The following NRG2 variants were observed in gnomAD, a reference collection of about 807,000 sequenced individuals.
NRG2 encodes the protein pro-neuregulin-2, membrane-bound isoform.
In NRG2, 27 loss-of-function variants were observed where a neutral mutation model predicts 73.9. The observed-to-expected ratio is 0.37, with a 90% CI of 0.27 to 0.50. The LOEUF (loss-of-function observed/expected upper bound fraction) is 0.50. Among genes scored for constraint, NRG2 ranks in the 20% least tolerant of loss-of-function variants. The pLI is 0.96. For synonymous variants in NRG2, 532 were observed against 541.0 expected (o/e 0.98, Z 0.23); for missense variants, 1,126 against 1,210.1 (o/e 0.93, Z 1.03).
chr5:139,875,307 AG>A (rs1482747001), intron 3 of NRG2, among the ~76,000 whole-genome samples: 1 of 152,212 alleles, frequency 6.6e-6, no homozygotes, highest in East Asian at 1.9e-4. Flanking sequence ...CACCGTGCCC[AG>A]CCAACTGTTT....
At position 139,904,869 on chromosome 5, in the gene NRG2, A is replaced by G. The variant is rs1288243861; in HGVS notation, c.701-17358T>C. Among the ~76,000 whole-genome samples, 1 of 152,052 alleles carries G rather than the reference A, an allele frequency of 6.6e-6. No homozygotes were observed. The highest frequency in any genetic ancestry group is 2.4e-5 in the African/African-American group (1 of 41,402). On this transcript the variant is annotated intron_variant, in intron 1 of 9. Coordinates refer to ENST00000361474, the MANE Select transcript of NRG2 (RefSeq NM_004883.3). The surrounding 1 kb of genome is among the most constrained non-coding windows in gnomAD (Gnocchi z 6.0). Reference sequence around the variant, plus strand: ...TAGCCAGCCCAGCGGGGTAGCGAGCACCCTTGGCTCTTGCGGTGGGTCTCC... The same window carrying G: ...TAGCCAGCCCAGCGGGGTAGCGAGCGCCCTTGGCTCTTGCGGTGGGTCTCC...
chr5:139,904,427 C>T lies in NRG2; in HGVS notation c.701-16916G>A, dbSNP rs770404206. The stretch of plus-strand genomic sequence containing the variant: ...CACGGGGTCCCAGGCGGTGGGACGG[C>T]CTCAGCTCTCCGCTGCCGCGCTGCG... On this transcript the variant is annotated intron_variant, in intron 1 of 9. Coordinates refer to ENST00000361474, the MANE Select transcript of NRG2 (RefSeq NM_004883.3). The surrounding 1 kb of genome is among the most constrained non-coding windows in gnomAD (Gnocchi z 6.0). The T allele has an allele frequency of 5.2e-6, 7 of 1,355,234 alleles. No homozygotes were observed. In the Admixed American group the frequency reaches 1.2e-4, roughly 24 times the overall value. The allele number at this position is 1,355,234 out of a possible 1,614,324, so 84.0% of individuals were successfully genotyped here.
chr5:139,946,227 AT>A (rs1276342594), intron 1 of NRG2, among the ~76,000 whole-genome samples: 1 of 152,166 alleles, frequency 6.6e-6, no homozygotes, highest in African/African-American at 2.4e-5. Flanking sequence ...ATAAGCCACA[AT>A]AAATTAAGAC....
chr5:139,917,344 C>T (rs139901702), intron 1 of NRG2, among the ~76,000 whole-genome samples: 5 of 152,236 alleles, frequency 3.3e-5, no homozygotes, highest in Middle Eastern at 3.4e-3. Flanking sequence ...CTTGACCTCC[C>T]GGGCTCAAAC....
At chr5:139,919,040 A>C (rs953920980) in intron 1 of NRG2, among the ~76,000 whole-genome samples, 1 of 152,212 alleles carries the variant, frequency 6.6e-6, no homozygotes, top group South Asian at 2.1e-4. Flanking sequence ...AAATCTAGCC[A>C]TGCCTGACTG....
intron 1 of NRG2, among the ~76,000 whole-genome samples, chr5:140,010,464 ACTTATCAATTGTAGG>A (rs1445888586): frequency 6.6e-6 from 1 of 152,204 alleles, no homozygotes; most frequent in Non-Finnish European, 1.5e-5. Context: ...AGTAATTGTA[ACTTATCAATTGTAGG>A]CTTATCAATT....
At chr5:139,908,206 C>A (rs1413474500) in intron 1 of NRG2, among the ~76,000 whole-genome samples, 1 of 152,110 alleles carries the variant, frequency 6.6e-6, no homozygotes, top group East Asian at 1.9e-4. Context: ...GGCTTTTGGG[C>A]CTTATTTAGT....
chr5:139,892,721 G>T (rs1387829997), intron 1 of NRG2, among the ~76,000 whole-genome samples: 1 of 152,156 alleles, frequency 6.6e-6, no homozygotes, highest in Non-Finnish European at 1.5e-5. Flanking sequence ...TTCCTGGGAT[G>T]CATGGGATCT....
At chr5:139,940,234 T>A (rs529396161) in intron 1 of NRG2, among the ~76,000 whole-genome samples, 3 of 152,128 alleles carry the variant, frequency 2.0e-5, no homozygotes, top group Non-Finnish European at 2.9e-5. Context: ...TTGTGATATA[T>A]AAAAACAATG....
At chr5:140,020,207 A>T (rs760109334) in intron 1 of NRG2, among the ~76,000 whole-genome samples, 2 of 152,372 alleles carry the variant, frequency 1.3e-5, no homozygotes, top group South Asian at 2.1e-4. Context: ...AAACAATAAG[A>T]ATTGGTACTA....
intron 5 of NRG2, among the ~76,000 whole-genome samples, chr5:139,858,319 CT>C (rs1035132104): frequency 6.0e-4 from 91 of 152,330 alleles, no homozygotes; most frequent in African/African-American, 2.1e-3. Context: ...GGACTCCCCC[CT>C]GGTTGTTTGC....
intron 1 of NRG2, among the ~76,000 whole-genome samples, chr5:139,941,933 C>T (rs757815834): frequency 6.6e-6 from 1 of 152,130 alleles, no homozygotes; most frequent in South Asian, 2.1e-4. Context: ...AATTATTTTA[C>T]CGCCATATAA....
chr5:139,996,200 T>C lies in NRG2; in HGVS notation c.700+46170A>G, dbSNP rs1580903594. Among the ~76,000 whole-genome samples the C allele has an allele frequency of 3.3e-5, 5 of 152,346 alleles. No individual in the cohort carries two copies. The South Asian group carries it at 8.3e-4, about 25-fold the overall frequency. On this transcript the variant is annotated intron_variant, in intron 1 of 9. Coordinates refer to ENST00000361474, the MANE Select transcript of NRG2 (RefSeq NM_004883.3). ...TGTTTTGTTTGTTACTGTTAACAAA[T>C]ATAAATGGACTCATACTGTACATAG...
intron 1 of NRG2, among the ~76,000 whole-genome samples, chr5:139,946,696 T>C (rs1292273262): frequency 2.0e-5 from 3 of 152,106 alleles, no homozygotes; most frequent in Non-Finnish European, 4.4e-5. Flanking sequence ...CACTGAATTG[T>C]AGGAAGTATC....
intron 1 of NRG2, among the ~76,000 whole-genome samples, chr5:140,030,942 C>T (rs1461269897): frequency 3.3e-5 from 5 of 152,090 alleles, no homozygotes; most frequent in Non-Finnish European, 5.9e-5. Flanking sequence ...AGAAAGGATT[C>T]CTTTTGAAAA....
At chr5:139,944,416 C>G (rs1753648460) in intron 1 of NRG2, among the ~76,000 whole-genome samples, 1 of 152,180 alleles carries the variant, frequency 6.6e-6, no homozygotes, top group Non-Finnish European at 1.5e-5. Context: ...CTTCCCTATA[C>G]TCTTCCCAGC....
At chr5:139,863,049 G>A (rs1330286627) in intron 5 of NRG2, among the ~76,000 whole-genome samples, 1 of 152,206 alleles carries the variant, frequency 6.6e-6, no homozygotes, top group Non-Finnish European at 1.5e-5. Context: ...TTGTAGCTGG[G>A]AGAGGTACTA....
rs1765139916 is a variant in NRG2 at position 139,904,972 on chromosome 5, G to A, written c.701-17461C>T. Among the ~76,000 whole-genome samples the A allele has an allele frequency of 6.6e-6, 1 of 152,196 alleles. No individual in the cohort carries two copies. Among genetic ancestry groups the A allele is most frequent in the African/African-American group, 2.4e-5 (1 of 41,458 alleles). The stretch of plus-strand genomic sequence containing the variant: ...CCTGCAGGTCTGGCCTCAGCCCCGT[G>A]GGATACCGCCATCTGGGGAACACCT... On this transcript the variant is annotated intron_variant, in intron 1 of 9. Coordinates refer to ENST00000361474, the MANE Select transcript of NRG2 (RefSeq NM_004883.3). The surrounding 1 kb of genome is among the most constrained non-coding windows in gnomAD (Gnocchi z 6.0).
At chr5:139,855,328 A>T (rs1200851625) in intron 6 of NRG2, among the ~76,000 whole-genome samples, 1 of 152,154 alleles carries the variant, frequency 6.6e-6, no homozygotes. Flanking sequence ...GTGTCCTTTG[A>T]GGTACATACC....
Sources: gnomAD v4.1 joint callset for allele counts (sites outside exome capture counted in the v4.1 genomes callset) on GRCh38, gnomAD v4.1.1 for gene constraint, Gnocchi (gnomAD v3.1) non-coding constraint, MANE v1.5 for transcripts, NCBI Gene and HGNC (gene_info 2026-07-23, HGNC 2026-07-21) for gene names.